The following SAMD12 variants were observed in gnomAD, a reference collection of about 807,000 sequenced individuals.
SAMD12 encodes sterile alpha motif domain-containing protein 12.
Under a neutral mutation model 15.0 loss-of-function variants are expected in SAMD12, and 9 were observed. That is an observed-to-expected ratio of 0.60 (90% CI 0.36 to 1.05). The LOEUF is 1.05. SAMD12 is among the 50% of genes least tolerant of loss of function. SAMD12 has a pLI of 0.01. For synonymous variants in SAMD12, 86 were observed against 90.1 expected (o/e 0.96, Z 0.25); for missense variants, 230 against 234.2 (o/e 0.98, Z 0.12).
intron 4 of SAMD12, among the ~76,000 whole-genome samples, chr8:118,320,065 A>G (rs1438671856): frequency 1.3e-5 from 2 of 152,208 alleles, no homozygotes; most frequent in African/African-American, 4.8e-5. Flanking sequence ...AGGTAAGGAA[A>G]AGAAGAGTGA....
At chr8:118,215,486 T>G (rs145739288) in intron 4 of SAMD12, among the ~76,000 whole-genome samples, 1,565 of 152,110 alleles carry the variant, frequency 0.01, 39 homozygotes, top group East Asian at 0.046. Flanking sequence ...TATTACACTT[T>G]AAGTTTTAGG....
chr8:118,173,190 C>T, the SAMD12 span, among the ~76,000 whole-genome samples: 6 of 152,164 alleles, frequency 3.9e-5, no homozygotes, highest in Non-Finnish European at 5.9e-5. Flanking sequence ...CCTTGCCATG[C>T]CTGAAATTTC....
intron 3 of SAMD12, among the ~76,000 whole-genome samples, chr8:118,399,986 C>G (rs941357110): frequency 3.3e-5 from 5 of 152,162 alleles, no homozygotes; most frequent in African/African-American, 1.2e-4. Context: ...TAAGATAAAT[C>G]TGCTGCTAAA....
intron 4 of SAMD12, among the ~76,000 whole-genome samples, chr8:118,364,709 T>C (rs1818679200): frequency 6.6e-6 from 1 of 152,074 alleles, no homozygotes; most frequent in Non-Finnish European, 1.5e-5. Flanking sequence ...TTGGAAGAAG[T>C]AAAACAAAAC....
chr8:118,450,477 A>G (rs1823046014), intron 2 of SAMD12, among the ~76,000 whole-genome samples: 1 of 152,190 alleles, frequency 6.6e-6, no homozygotes, highest in African/African-American at 2.4e-5. Flanking sequence ...TGTGACACAA[A>G]GGCAGATGTA....
chr8:118,212,324 C>T (rs1250260532), intron 4 of SAMD12, among the ~76,000 whole-genome samples: 1 of 151,886 alleles, frequency 6.6e-6, no homozygotes. Context: ...AAAAAATGTA[C>T]CACTGAGAAA....
intron 4 of SAMD12, among the ~76,000 whole-genome samples, chr8:118,209,612 A>C (rs1231656801): frequency 2.0e-5 from 3 of 152,160 alleles, no homozygotes. Flanking sequence ...GCTGGTGGCC[A>C]TCAGCAGGAT....
intron 1 of SAMD12, among the ~76,000 whole-genome samples, chr8:118,591,366 T>C (rs916863911): frequency 5.3e-5 from 8 of 152,190 alleles, no homozygotes; most frequent in Non-Finnish European, 1.0e-4. Context: ...AGTTATATCA[T>C]CTCTTTTCTG....
intron 1 of SAMD12, among the ~76,000 whole-genome samples, chr8:118,584,109 TAC>T (rs1266498930): frequency 2.6e-5 from 4 of 152,216 alleles, no homozygotes; most frequent in African/African-American, 9.6e-5. Context: ...GGAGGCAGAA[TAC>T]AGTTTTTTGA....
At chr8:118,413,837 T>G (rs1821550069) in intron 3 of SAMD12, among the ~76,000 whole-genome samples, 1 of 151,010 alleles carries the variant, frequency 6.6e-6, no homozygotes, top group Non-Finnish European at 1.5e-5. Context: ...ATACACATTT[T>G]ATAACATTGC....
intron 2 of SAMD12, among the ~76,000 whole-genome samples, chr8:118,556,711 T>C (rs1198968178): frequency 2.0e-5 from 3 of 152,074 alleles, no homozygotes; most frequent in African/African-American, 7.2e-5. Context: ...ATGCCTGTAA[T>C]CCCAGTACTT....
intron 1 of SAMD12, among the ~76,000 whole-genome samples, chr8:118,599,315 T>C (rs1827797635): frequency 6.6e-6 from 1 of 152,188 alleles, no homozygotes; most frequent in Admixed American, 6.5e-5. Flanking sequence ...TGTAGCTCTT[T>C]TGTAAAATAA....
intron 4 of SAMD12, among the ~76,000 whole-genome samples, chr8:118,214,850 G>A (rs984007808): frequency 3.9e-5 from 6 of 152,162 alleles, no homozygotes; most frequent in African/African-American, 9.7e-5. Context: ...GCCTTAGAGC[G>A]CATGGATGTA....
At chr8:118,383,825 T>A in intron 3 of SAMD12, among the ~76,000 whole-genome samples, 1 of 152,154 alleles carries the variant, frequency 6.6e-6, no homozygotes, top group African/African-American at 2.4e-5. Context: ...TTGATCACCA[T>A]TATGTACCTG....
At chr8:118,315,193 A>T (rs1213621165) in intron 4 of SAMD12, among the ~76,000 whole-genome samples, 1 of 152,184 alleles carries the variant, frequency 6.6e-6, no homozygotes, top group Non-Finnish European at 1.5e-5. Flanking sequence ...CTTTTGGTGA[A>T]TGCTGTTAAT....
At chr8:118,513,723 T>G (rs4559272) in intron 2 of SAMD12, among the ~76,000 whole-genome samples, 62,295 of 151,952 alleles carry the variant, frequency 0.41, 13,098 homozygotes, top group African/African-American at 0.5. Context: ...CTTGGCAGAG[T>G]TCACAAACTC....
intron 2 of SAMD12, among the ~76,000 whole-genome samples, chr8:118,546,318 T>C (rs1563575080): frequency 2.0e-5 from 3 of 152,134 alleles, no homozygotes; most frequent in Non-Finnish European, 2.9e-5. Flanking sequence ...ATCCCAGCCC[T>C]GATGTGAAAA....
chr8:118,552,143 T>C (rs1250598594), intron 2 of SAMD12, among the ~76,000 whole-genome samples: 1 of 151,910 alleles, frequency 6.6e-6, no homozygotes, highest in Admixed American at 6.6e-5. Flanking sequence ...TTCCAATCAA[T>C]AGAAAAAGAG....
At position 118,348,781 on chromosome 8, in the gene SAMD12, C is replaced by T. The variant is rs79914307; in HGVS notation, c.433+30779G>A. On this transcript the variant is annotated intron_variant, in intron 4 of 4. Transcript: ENST00000409003. ...GAAGGCACAGACAACAATCCTGTGG[C>T]TTCAGAGACTATAGGATGAGCTGGT... Among the ~76,000 whole-genome samples the T allele has an allele frequency of 5.1e-3, 773 of 152,310 alleles. 6 individuals carry two copies. The highest frequency in any genetic ancestry group is 0.018 in the African/African-American group (746 of 41,560).
Sources: allele counts gnomAD v4.1 joint callset (sites outside exome capture counted in the v4.1 genomes callset), GRCh38; gene constraint gnomAD v4.1.1; transcripts MANE v1.5; gene names NCBI Gene and HGNC (gene_info 2026-07-23, HGNC 2026-07-21).